Variants in ATP8B3 observed in about 807,000 individuals in gnomAD.
ATP8B3 encodes phospholipid-transporting ATPase IK.
Under a neutral mutation model 140.9 loss-of-function variants are expected in ATP8B3, and 141 were observed. That is an observed-to-expected ratio of 1.00 (90% confidence interval 0.87 to 1.15). The LOEUF is 1.15. Among genes scored for constraint, ATP8B3 ranks in the 50% most tolerant of loss-of-function variants. The pLI, the probability that ATP8B3 is intolerant of heterozygous loss-of-function variation, is 0.00. For synonymous variants in ATP8B3, 765 were observed against 714.6 expected (o/e 1.07, Z -1.13); for missense variants, 1,874 against 1,740.6 (o/e 1.08, Z -1.36).
rs772261421 is a variant in ATP8B3, at chr19:1,809,667, C to G, written c.378G>C (p.Leu126=). Residue 126 remains leucine (L), a synonymous_variant, in exon 4 of 29, where the codon CTG becomes CTC. Transcript: ENST00000310127. The part of the protein sequence containing the change: ...YNGQFKEKVI[L]CWQRKKYKTN... ...CCTTGTATTTCTTCCTTTGCCAGCA[C>G]AGGATCACCTTCTCCTTGAACTGCC... is the stretch of plus-strand genomic sequence containing the variant. The G allele has an allele frequency of 6.2e-7, 1 of 1,610,760 alleles. No homozygotes were observed. Among genetic ancestry groups the G allele is most frequent in the Non-Finnish European group, 8.5e-7 (1 of 1,178,832 alleles).
At position 1,800,922 on chromosome 19, in the gene ATP8B3, G is replaced by A. The variant is rs937164601; in HGVS notation, c.1153-473C>T. Among the ~76,000 whole-genome samples, 4 of 150,454 alleles carry A rather than the reference G, an allele frequency of 2.7e-5. No individual in the cohort carries two copies. Among genetic ancestry groups the A allele is most frequent in the African/African-American group, 7.3e-5 (3 of 40,912 alleles). On this transcript the variant is annotated intron_variant, in intron 12 of 28. Coordinates refer to ENST00000310127, the MANE Select transcript of ATP8B3 (RefSeq NM_138813.4). The surrounding 1 kb of genome is among the most constrained non-coding windows in gnomAD (Gnocchi z 4.4). Reference sequence around the variant, plus strand: ...TGGCTCACAGCAAGCTCCGCCTCCCGGGTTCACACCATTCTCCTGCCTCAG... The same window carrying A: ...TGGCTCACAGCAAGCTCCGCCTCCCAGGTTCACACCATTCTCCTGCCTCAG...
Position 1,805,531 on chromosome 19 carries a change from G to A in ATP8B3, c.822-75C>T. 1 of 1,282,652 alleles carries A rather than the reference G, an allele frequency of 7.8e-7. No homozygotes were observed. Among genetic ancestry groups the A allele is most frequent in the Non-Finnish European group, 1.1e-6 (1 of 903,812 alleles). 79.5% of individuals were successfully genotyped at this position (1,282,652 alleles called of 1,614,324 possible). ...GAGGAGCCCCCAGACCCCTTCTGGA[G>A]TCACTCAAACATTTTCACTGAGCAC... On this transcript the variant is annotated intron_variant, in intron 9 of 28. Coordinates refer to ENST00000310127, the MANE Select transcript of ATP8B3 (RefSeq NM_138813.4). This position sits in a 1 kb window ranked among gnomAD's most constrained non-coding sequence, Gnocchi z 5.2.
In ATP8B3 at chr19:1,805,466, A is replaced by C; in HGVS notation, c.822-10T>G. On this transcript the variant is annotated splice_polypyrimidine_tract_variant and intron_variant, in intron 9 of 28. Coordinates refer to ENST00000310127, the MANE Select transcript of ATP8B3 (RefSeq NM_138813.4). This position sits in a 1 kb window ranked among gnomAD's most constrained non-coding sequence, Gnocchi z 5.2. ...CTTCAAGTTGGTCTCCCTGGTGACG[A>C]GGAGAGGAGGGAGGTGAAAGTGGAG... The C allele has an allele frequency of 6.4e-7, 1 of 1,554,006 alleles. No homozygotes were observed. The highest frequency in any genetic ancestry group is 2.4e-5 in the East Asian group (1 of 41,808).
In ATP8B3 at chr19:1,784,951, G is replaced by A. The variant is rs779657321; in HGVS notation, c.3533-5C>T. On this transcript the variant is annotated splice_region_variant and splice_polypyrimidine_tract_variant and intron_variant, in intron 27 of 28. Coordinates refer to ENST00000310127, the MANE Select transcript of ATP8B3 (RefSeq NM_138813.4). ...ACATCACGCTGAGGTCGGCATCTGG[G>A]GACAGGGCGGGGTCACAGCAGAGCC... 9 of 1,606,028 alleles carry A rather than the reference G, an allele frequency of 5.6e-6. No homozygotes were observed. Among genetic ancestry groups the A allele is most frequent in the African/African-American group, 1.3e-5 (1 of 75,022 alleles).
Position 1,791,831 on chromosome 19 carries a change from G to A in ATP8B3, c.2221C>T (p.Leu741Phe), listed in dbSNP as rs758922157. Reference sequence around the variant, plus strand: ...ATGGTTTCAGGGACACCGTCCTGGAGTCTGTCCTCGATGGCTGTGGCTCCC... The same window carrying A: ...ATGGTTTCAGGGACACCGTCCTGGAATCTGTCCTCGATGGCTGTGGCTCCC... Reference protein sequence around the residue: ...LLGATAIEDRLQDGVPETIKC... With the variant: ...LLGATAIEDRFQDGVPETIKC... Residue 741 changes from leucine (L) to phenylalanine (F), a missense_variant, in exon 20 of 29, where the codon CTC becomes TTC. Transcript: ENST00000310127. The A allele has an allele frequency of 6.8e-6, 11 of 1,611,496 alleles. No homozygotes were observed. The highest frequency in any genetic ancestry group is 9.3e-6 in the Non-Finnish European group (11 of 1,179,802).
At position 1,783,264 on chromosome 19, in the gene ATP8B3, TCTC is replaced by T; in HGVS notation, c.3664_3666del (p.Glu1222del). On this transcript the variant is annotated inframe_deletion, in exon 29 of 29. Coordinates refer to ENST00000310127, the MANE Select transcript of ATP8B3 (RefSeq NM_138813.4). The stretch of plus-strand genomic sequence containing the variant: ...TCCTCGCTGGGGCCCTCCTCCACCT[TCTC>T]CTCCTGAAGAGCAAAGGGGAGAGCA... The T allele has an allele frequency of 5.0e-6, 8 of 1,607,084 alleles. 1 individual carries two copies. The highest frequency in any genetic ancestry group is 1.7e-6 in the Non-Finnish European group (2 of 1,176,868).
At position 1,796,707 on chromosome 19, in the gene ATP8B3, G is replaced by A. The variant is rs377349318; in HGVS notation, c.1753+4C>T. ...CTCAGAGATGGGGAGGTGGGTGGGC[G>A]CACCTGGGCGCTCACGGGGGCTCTC... On this transcript the variant is annotated splice_donor_region_variant and intron_variant, in intron 16 of 28. Transcript: ENST00000310127. 4.4e-5 allele frequency: 70 copies of A among 1,607,478 alleles called. No individual in the cohort carries two copies. The highest frequency in any genetic ancestry group is 4.5e-5 in the East Asian group (2 of 44,844).
chr19:1,786,988 C>A (rs2068326202), intron 25 of ATP8B3, 115 bp downstream of exon 25: 1 of 978,530 alleles, frequency 1.0e-6, no homozygotes, highest in Non-Finnish European at 1.5e-6. Context: ...CCCCCTGAGC[C>A]CCACCCCATG....
At position 1,789,101 on chromosome 19, in the gene ATP8B3, C is replaced by T. The variant is rs1322962979; in HGVS notation, c.2865G>A (p.Gly955=). 3 of 1,593,224 alleles carry T rather than the reference C, an allele frequency of 1.9e-6. No individual in the cohort carries two copies. The East Asian group carries it at 6.8e-5, about 36-fold the overall frequency. ...CCTGCATGCCCTCCTGGCCCGCCAGCCCCACGCCCACGTCCGCGGCTGCAG... is the reference window on the plus strand; with the variant it reads ...CCTGCATGCCCTCCTGGCCCGCCAGTCCCACGCCCACGTCCGCGGCTGCAG... The part of the protein sequence containing the change: ...NMIKTADVGV[G]LAGQEGMQAV... Residue 955 remains glycine, a synonymous_variant, in exon 24 of 29, where the codon GGG becomes GGA. Coordinates refer to ENST00000310127, the MANE Select transcript of ATP8B3 (RefSeq NM_138813.4).
chr19:1,790,796 A>G lies in ATP8B3; in HGVS notation c.2339T>C (p.Leu780Pro), dbSNP rs1183642185. ...AVNIGFACEL[L>P]SENMLILEEK... Reference sequence around the variant, plus strand: ...CTCCAGAATGAGCATATTCTCTGACAGCAGCTCGCAGGCGAAGCCGATGTT... The same window carrying G: ...CTCCAGAATGAGCATATTCTCTGACGGCAGCTCGCAGGCGAAGCCGATGTT... The change falls in exon 21 of 29, where the codon CTG becomes CCG. Residue 780 changes from leucine to proline, a missense_variant. Physicochemically the swap from Leu to Pro is moderately conservative, Grantham distance 98. This residue lies in a region of ATP8B3 where 840 missense variants were observed against 760.9 expected (regional missense o/e 1.10). Transcript: ENST00000310127. The G allele has an allele frequency of 6.2e-7, 1 of 1,606,066 alleles. No homozygotes were observed. Among genetic ancestry groups the G allele is most frequent in the South Asian group, 1.1e-5 (1 of 89,564 alleles).
intron 4 of ATP8B3, 42 bp from the exon 5 acceptor site, chr19:1,808,377 C>A: frequency 6.6e-7 from 1 of 1,509,086 alleles, no homozygotes. Context: ...GGGGTGCCAT[C>A]CAGGCCAGGG....
In ATP8B3 at chr19:1,805,369, C is replaced by T. The variant is rs1389510576; in HGVS notation, c.904+5G>A. 3.2e-6 allele frequency: 5 copies of T among 1,560,286 alleles called. No individual in the cohort carries two copies. The highest frequency in any genetic ancestry group is 2.7e-5 in the African/African-American group (2 of 73,710). ...GGACGTGACTCCCTGCTCAACGCCT[C>T]TCACCTTGAAAGGACGCCATCTTCT... On this transcript the variant is annotated splice_donor_5th_base_variant and intron_variant, in intron 10 of 28. Coordinates refer to ENST00000310127, the MANE Select transcript of ATP8B3 (RefSeq NM_138813.4). This position sits in a 1 kb window ranked among gnomAD's most constrained non-coding sequence, Gnocchi z 5.2.
At chr19:1,786,899 G>A (rs2068323057) in intron 25 of ATP8B3, among the ~76,000 whole-genome samples, 1 of 152,236 alleles carries the variant, frequency 6.6e-6, no homozygotes, top group Admixed American at 6.5e-5. Context: ...CACAGGAGGA[G>A]CTGGATGGCC....
In ATP8B3 at chr19:1,802,512, G is replaced by C; in HGVS notation, c.1038C>G (p.Thr346=). 1 of 1,545,820 alleles carries C rather than the reference G, an allele frequency of 6.5e-7. No individual in the cohort carries two copies. Among genetic ancestry groups the C allele is most frequent in the Non-Finnish European group, 8.7e-7 (1 of 1,144,622 alleles). The change falls in exon 11 of 29, where the codon ACC becomes ACG. Residue 346 remains threonine (T), a synonymous_variant. Transcript: ENST00000310127. ...LRGCRIRNTD[T]CYGLVIYAGF... ...CAGCATAAATGACCAGTCCATAGCA[G>C]GTGTCTGTGTTGCGAATCCTGCAGC... is the stretch of plus-strand genomic sequence containing the variant.
rs1014727621 is a variant in ATP8B3 at position 1,787,123 on chromosome 19, A to G, written c.3133T>C (p.Tyr1045His). ...NLLYSTLPVL[Y>H]IGLFEQDVSA... ...CTCACCTGCTCAAAGAGCCCAATGT[A>G]GAGAACTGGCAGGGTGCTGTACAGG... The change falls in exon 25 of 29, where the codon TAC (tyrosine) becomes CAC (histidine). Residue 1045 changes from tyrosine (Y) to histidine (H), a missense_variant. Physicochemically the swap from Tyr to His is moderately conservative, Grantham distance 83 (BLOSUM62 2). Coordinates refer to ENST00000310127, the MANE Select transcript of ATP8B3 (RefSeq NM_138813.4). 1.2e-6 allele frequency: 2 copies of G among 1,608,286 alleles called. No homozygotes were observed. The highest frequency in any genetic ancestry group is 1.1e-5 in the South Asian group (1 of 89,954).
At chr19:1,809,788 C>A in intron 3 of ATP8B3, 54 bp from the exon 4 acceptor site, 1 of 1,504,712 alleles carries the variant, frequency 6.6e-7, no homozygotes, top group Non-Finnish European at 9.0e-7. Flanking sequence ...ACAAACACCC[C>A]TAATGACCGC....
chr19:1,794,275 G>A lies in ATP8B3; in HGVS notation c.2055+1600C>T, dbSNP rs1355847792. ...AGCTTCACGGACATTGGCAGCCTCC[G>A]ACAGGCCTTGACCCTTCTTCCGGCC... On this transcript the variant is annotated intron_variant, in intron 18 of 28. Transcript: ENST00000310127. This position sits in a 1 kb window ranked among gnomAD's most constrained non-coding sequence, Gnocchi z 4.8. Among the ~76,000 whole-genome samples the A allele has an allele frequency of 4.6e-5, 7 of 152,166 alleles. No homozygotes were observed. Among genetic ancestry groups the A allele is most frequent in the East Asian group, 3.8e-4 (2 of 5,204 alleles).
At chr19:1,787,405 C>T (rs2068339335) in intron 24 of ATP8B3, among the ~76,000 whole-genome samples, 1 of 152,100 alleles carries the variant, frequency 6.6e-6, no homozygotes, top group Non-Finnish European at 1.5e-5. Flanking sequence ...AATGGCACCT[C>T]TGAGTTTTTG....
Position 1,802,537 on chromosome 19 carries a change from C to G in ATP8B3, c.1013G>C (p.Gly338Ala). ...SLDIGNLLLR[G>A]CRIRNTDTCY... ...GGTGTCTGTGTTGCGAATCCTGCAG[C>G]CTCGGAGGAGGAGGTTGCCAATGTC... Residue 338 changes from glycine to alanine, a missense_variant, in exon 11 of 29, where the codon GGC becomes GCC. Transcript: ENST00000310127. 1 of 1,609,308 alleles carries G rather than the reference C, an allele frequency of 6.2e-7. No homozygotes were observed. The highest frequency in any genetic ancestry group is 8.5e-7 in the Non-Finnish European group (1 of 1,179,136).
Sources: gnomAD v4.1 joint callset for allele counts (sites outside exome capture counted in the v4.1 genomes callset) on GRCh38, gnomAD v4.1.1 for gene constraint, gnomAD v4.1.1 regional missense constraint, Gnocchi (gnomAD v3.1) non-coding constraint, MANE v1.5 for transcripts, NCBI Gene and HGNC (gene_info 2026-07-23, HGNC 2026-07-21) for gene names.